The following PABPC1 variants were observed in gnomAD, a reference collection of about 807,000 sequenced individuals.
The protein encoded by PABPC1 is poly(A) binding protein cytoplasmic 1.
In PABPC1, 4 loss-of-function variants were observed where a neutral mutation model predicts 74.0. That is an observed-to-expected ratio of 0.05 (90% CI 0.03 to 0.12). PABPC1 has a LOEUF of 0.12. Ranked by LOEUF, PABPC1 falls within the 10% of genes least tolerant of loss-of-function variation. PABPC1 has a pLI of 1.00. For missense variants in PABPC1, 271 were observed against 821.1 expected (o/e 0.33, Z 8.19); for synonymous variants, 227 against 264.1 (o/e 0.86, Z 1.36).
intron 1 of PABPC1, 45 bp from the exon 2 acceptor site, chr8:100,718,325 TG>T: frequency 6.6e-7 from 1 of 1,522,108 alleles, no homozygotes; most frequent in South Asian, 1.2e-5. Context: ...TCAAAATTTT[TG>T]CTGGCTACTT....
rs1810822941 is a variant in PABPC1, at chr8:100,721,320, CCCGCCCGCCGCCG to C, written c.193+58_193+70del. 1 of 907,568 alleles carries C rather than the reference CCCGCCCGCCGCCG, an allele frequency of 1.1e-6. No individual in the cohort carries two copies. The highest frequency in any genetic ancestry group is 1.4e-6 in the Non-Finnish European group (1 of 721,044). 56.2% of individuals were successfully genotyped at this position (907,568 alleles called of 1,614,324 possible). A position where few individuals can be genotyped will look rare whatever the true frequency, so the allele number is the denominator to read the frequency against. Reference sequence around the variant, plus strand: ...CCCCTCCCCGGGCCCGCCGGCCTACCCCGCCCGCCGCCGCCGCCCGAGCCTCATGGCCGCCCGC... The same window carrying C: ...CCCCTCCCCGGGCCCGCCGGCCTACCCCGCCCGAGCCTCATGGCCGCCCGC... On this transcript the variant is annotated intron_variant, in intron 1 of 14. Coordinates refer to ENST00000318607, the MANE Select transcript of PABPC1 (RefSeq NM_002568.4). This position sits in a 1 kb window ranked among gnomAD's most constrained non-coding sequence, Gnocchi z 7.4.
intron 1 of PABPC1, among the ~76,000 whole-genome samples, chr8:100,720,835 C>T (rs1810802892): frequency 6.6e-6 from 1 of 152,228 alleles, no homozygotes; most frequent in African/African-American, 2.4e-5. Flanking sequence ...CACCACACAT[C>T]GCCACAGGAA....
At chr8:100,715,251 A>G (rs374263597) in intron 4 of PABPC1, among the ~76,000 whole-genome samples, 22 of 152,240 alleles carry the variant, frequency 1.4e-4, no homozygotes, top group Middle Eastern at 6.8e-3. Context: ...AATGCTATTA[A>G]CCTTTAACCT....
chr8:100,721,112 C>T lies in PABPC1; in HGVS notation c.193+279G>A, dbSNP rs1810813901. Among the ~76,000 whole-genome samples, 1 of 152,306 alleles carries T rather than the reference C, an allele frequency of 6.6e-6. No homozygotes were observed. The highest frequency in any genetic ancestry group is 2.1e-4 in the South Asian group (1 of 4,830). ...CCGCGGAGGAACCGAATCTCACCCACCCTCCCGGCGCGTCATCACCCTAAA... is the reference window on the plus strand; with the variant it reads ...CCGCGGAGGAACCGAATCTCACCCATCCTCCCGGCGCGTCATCACCCTAAA... On this transcript the variant is annotated intron_variant, in intron 1 of 14. Coordinates refer to ENST00000318607, the MANE Select transcript of PABPC1 (RefSeq NM_002568.4). The surrounding 1 kb of genome is among the most constrained non-coding windows in gnomAD (Gnocchi z 7.4).
intron 13 of PABPC1, 23 bp from the exon 14 acceptor site, chr8:100,704,413 A>C (rs767250144): frequency 6.3e-7 from 1 of 1,578,326 alleles, no homozygotes; most frequent in Non-Finnish European, 8.7e-7. Flanking sequence ...AAAACAGATA[A>C]ACTGGTTCAG....
rs751506139 is a variant in PABPC1, at chr8:100,706,757, G to A, written c.1496C>T (p.Ala499Val). 2.5e-6 allele frequency: 4 copies of A among 1,613,940 alleles called. No individual in the cohort carries two copies. The highest frequency in any genetic ancestry group is 2.5e-6 in the Non-Finnish European group (3 of 1,179,876). Residue 499 changes from alanine to valine, a missense_variant, in exon 11 of 15, where the codon GCT (alanine) becomes GTT (valine). Ala to Val is a moderately conservative substitution (Grantham distance 64, BLOSUM62 0). Coordinates refer to ENST00000318607, the MANE Select transcript of PABPC1 (RefSeq NM_002568.4). ...TMGPRPAAAA[A>V]AATPAVRTVP... ...GGTGCGGACAGCAGGAGTAGCTGCAGCGGCTGCAGCTGCAGGACGTGGACC... is the reference window on the plus strand; with the variant it reads ...GGTGCGGACAGCAGGAGTAGCTGCAACGGCTGCAGCTGCAGGACGTGGACC...
At position 100,721,393 on chromosome 8, in the gene PABPC1, T is replaced by G. The variant is rs1214378887; in HGVS notation, c.191A>C (p.Asp64Ala). 1 of 1,526,498 alleles carries G rather than the reference T, an allele frequency of 6.6e-7. No homozygotes were observed. 94.6% of individuals were successfully genotyped at this position (1,526,498 alleles called of 1,614,324 possible). The part of the protein sequence containing the change: ...YAYVNFQQPA[D>A]AERALDTMNF... ...CGACCGCGGAGCCCGGCGCTCACCG[T>G]CCGCCGGCTGCTGGAAGTTCACATA... Residue 64 changes from aspartate (D) to alanine (A), a missense_variant and splice_region_variant, in exon 1 of 15, where the codon GAC becomes GCC. Transcript: ENST00000318607. The surrounding 1 kb of genome is among the most constrained non-coding windows in gnomAD (Gnocchi z 7.4).
chr8:100,714,539 T>C (rs1355416896), intron 4 of PABPC1, among the ~76,000 whole-genome samples: 1 of 152,024 alleles, frequency 6.6e-6, no homozygotes, highest in South Asian at 2.1e-4. Context: ...GAGACCAGCC[T>C]GGCCATCACG....
At chr8:100,706,185 G>A (rs1017613186) in intron 11 of PABPC1, among the ~76,000 whole-genome samples, 7 of 152,166 alleles carry the variant, frequency 4.6e-5, no homozygotes, top group African/African-American at 1.7e-4. Flanking sequence ...GACCAGGCGT[G>A]GTGATTTAGG....
intron 7 of PABPC1, among the ~76,000 whole-genome samples, chr8:100,710,207 A>G (rs562770530): frequency 2.0e-5 from 3 of 152,332 alleles, no homozygotes; most frequent in African/African-American, 7.2e-5. Context: ...AAGTTTTTAC[A>G]TTCAAGAGCA....
chr8:100,706,301 T>C (rs1309604286), intron 11 of PABPC1, among the ~76,000 whole-genome samples: 2 of 152,244 alleles, frequency 1.3e-5, no homozygotes, highest in South Asian at 2.1e-4. Context: ...GAATCTATCA[T>C]GCAGCTGTCT....
At chr8:100,715,710 T>C (rs1467341259) in intron 3 of PABPC1, 109 bp from the exon 4 acceptor site, 7 of 683,652 alleles carry the variant, frequency 1.0e-5, no homozygotes, top group East Asian at 2.8e-5. Flanking sequence ...TCAGAATCCC[T>C]AATAAAAAGC....
At chr8:100,714,798 C>T (rs1476182469) in intron 4 of PABPC1, among the ~76,000 whole-genome samples, 1 of 152,058 alleles carries the variant, frequency 6.6e-6, no homozygotes, top group African/African-American at 2.4e-5. Flanking sequence ...CTAAGTTCAA[C>T]ACAAAATGCA....
intron 3 of PABPC1, among the ~76,000 whole-genome samples, chr8:100,717,482 G>A (rs1219338017): frequency 6.6e-6 from 1 of 151,996 alleles, no homozygotes; most frequent in Non-Finnish European, 1.5e-5. Context: ...ACATTTTTCT[G>A]TTTACTTATC....
intron 13 of PABPC1, 85 bp from the exon 14 acceptor site, chr8:100,704,475 A>G: frequency 2.7e-6 from 3 of 1,117,622 alleles, no homozygotes; most frequent in Non-Finnish European, 4.1e-6. Context: ...AATTCCCAAC[A>G]AAGATAAGTT....
At chr8:100,711,575 A>G (rs574185442) in intron 7 of PABPC1, among the ~76,000 whole-genome samples, 1 of 152,244 alleles carries the variant, frequency 6.6e-6, no homozygotes, top group South Asian at 2.1e-4. Flanking sequence ...GAAGACAAAA[A>G]CATTCAGGAA....
chr8:100,714,737 T>C (rs1786319), intron 4 of PABPC1, among the ~76,000 whole-genome samples: 48,997 of 151,852 alleles, frequency 0.32, 7,959 homozygotes, highest in African/African-American at 0.36. Flanking sequence ...AAAAAAGTAT[T>C]AGATTTCCTA....
intron 11 of PABPC1, 100 bp from the exon 12 acceptor site, chr8:100,705,773 G>A (rs976886388): frequency 9.1e-6 from 7 of 765,700 alleles, no homozygotes; most frequent in African/African-American, 8.7e-5. Context: ...GACTTCCATC[G>A]AAACATGAGG....
chr8:100,709,636 T>C lies in PABPC1; in HGVS notation c.1068A>G (p.Arg356=). ...ATKAVTEMNG[R]IVATKPLYVA... is the part of the protein sequence containing the mutation. The stretch of plus-strand genomic sequence containing the variant: ...CATACAATGGCTTTGTGGCCACAAT[T>C]CTACCGTTCATTTCTGTAACTGCTT... The change falls in exon 8 of 15, where the codon AGA becomes AGG. Residue 356 remains arginine (R), a synonymous_variant. Transcript: ENST00000318607. 1.2e-6 allele frequency: 2 copies of C among 1,614,174 alleles called. No individual in the cohort carries two copies. Among genetic ancestry groups the C allele is most frequent in the Non-Finnish European group, 8.5e-7 (1 of 1,180,038 alleles).
Sources: gnomAD v4.1 joint callset for allele counts (sites outside exome capture counted in the v4.1 genomes callset) on GRCh38, gnomAD v4.1.1 for gene constraint, Gnocchi (gnomAD v3.1) non-coding constraint, MANE v1.5 for transcripts, NCBI Gene and HGNC (gene_info 2026-07-23, HGNC 2026-07-21) for gene names.